The following RTL4 variants were observed in gnomAD, a reference collection of about 807,000 sequenced individuals.
RTL4 encodes the protein retrotransposon Gag-like protein 4.
RTL4 carries 4 observed loss-of-function variants against 5.3 expected under a neutral mutation model. The ratio of observed to expected loss-of-function variants is 0.75; its 90% CI spans 0.37 to 1.72. The LOEUF (loss-of-function observed/expected upper bound fraction) is 1.72, where lower values mean the gene tolerates loss of function less well. RTL4 is among the 40% of genes most tolerant of loss of function. The pLI, the probability that RTL4 is intolerant of heterozygous loss-of-function variation, is 0.04. For synonymous variants in RTL4, 98 were observed against 87.3 expected, an observed-to-expected ratio of 1.12 and a Z score of -0.68; for missense variants, 260 against 227.1, an observed-to-expected ratio of 1.14 and a Z score of -0.93.
chrX:112,086,295 G>C, the RTL4 span, among the ~76,000 whole-genome samples: 14 of 112,503 alleles, frequency 1.2e-4, no homozygotes, highest in Non-Finnish European at 1.7e-4. Flanking sequence ...CATCACAAAG[G>C]CTGTAACAAA....
the RTL4 span, among the ~76,000 whole-genome samples, chrX:112,175,993 C>G: frequency 3.6e-5 from 4 of 110,068 alleles, no homozygotes; most frequent in South Asian, 1.5e-3. Flanking sequence ...TTGTCTCAGC[C>G]CAAAATCTCC....
the RTL4 span, among the ~76,000 whole-genome samples, chrX:112,343,211 G>A: frequency 3.6e-5 from 4 of 112,206 alleles, no homozygotes; most frequent in Non-Finnish European, 7.5e-5. Flanking sequence ...TGTAACCACC[G>A]CTAAAAAGAT....
the RTL4 span, among the ~76,000 whole-genome samples, chrX:112,337,040 C>G: frequency 8.4e-3 from 934 of 111,841 alleles, 10 homozygotes; most frequent in Middle Eastern, 0.037. Flanking sequence ...TCCTCACTCA[C>G]AGCCCACACA....
chrX:112,225,463 G>A, the RTL4 span, among the ~76,000 whole-genome samples: 1 of 111,467 alleles, frequency 9.0e-6, no homozygotes, highest in Middle Eastern at 4.7e-3. Context: ...ATTTTCTGAT[G>A]GTTAAAAAAA....
At chrX:112,132,414 T>C in the RTL4 span, among the ~76,000 whole-genome samples, 1 of 111,421 alleles carries the variant, frequency 9.0e-6, no homozygotes, top group Admixed American at 9.6e-5. Flanking sequence ...TAAAGCCCAT[T>C]CCACTCATAA....
At chrX:112,401,130 C>A in the RTL4 span, among the ~76,000 whole-genome samples, 3 of 111,786 alleles carry the variant, frequency 2.7e-5, no homozygotes, top group African/African-American at 9.8e-5. Context: ...TTGTTTCAGT[C>A]CAGAGGGCAA....
chrX:112,318,534 A>G, the RTL4 span, among the ~76,000 whole-genome samples: 2 of 112,225 alleles, frequency 1.8e-5, no homozygotes, highest in African/African-American at 3.2e-5. Flanking sequence ...TCATTTTGAT[A>G]AGTAAAACAA....
chrX:112,381,611 G>C, the RTL4 span: 1 of 1,192,985 alleles, frequency 8.4e-7, no homozygotes, highest in East Asian at 3.0e-5. Flanking sequence ...AAGAAGACAA[G>C]AATCAGCCTT....
At chrX:112,349,472 A>T in the RTL4 span, among the ~76,000 whole-genome samples, 2 of 109,308 alleles carry the variant, frequency 1.8e-5, no homozygotes, top group African/African-American at 3.3e-5. Flanking sequence ...CATTTTCACG[A>T]TATTGATTCT....
chrX:112,302,293 A>C, the RTL4 span, among the ~76,000 whole-genome samples: 1 of 109,259 alleles, frequency 9.2e-6, no homozygotes, highest in Non-Finnish European at 1.9e-5. Context: ...CTTTGGACTT[A>C]AGACTTAAGA....
At chrX:112,258,682 T>A in the RTL4 span, among the ~76,000 whole-genome samples, 1 of 111,224 alleles carries the variant, frequency 9.0e-6, no homozygotes, top group African/African-American at 3.3e-5. Context: ...ATGTTTAGGA[T>A]AGCTTTTGTG....
chrX:112,245,776 A>G, the RTL4 span, among the ~76,000 whole-genome samples: 1 of 111,899 alleles, frequency 8.9e-6, no homozygotes, highest in African/African-American at 3.2e-5. Flanking sequence ...GAGAAGAGGC[A>G]CTCTGATTTT....
At chrX:112,215,884 C>T in the RTL4 span, among the ~76,000 whole-genome samples, 1 of 111,407 alleles carries the variant, frequency 9.0e-6, no homozygotes, top group Admixed American at 9.6e-5. Context: ...TACTGTTTTC[C>T]ATGGTGGCTG....
chrX:112,100,358 A>G, the RTL4 span, among the ~76,000 whole-genome samples: 1 of 111,538 alleles, frequency 9.0e-6, no homozygotes, highest in Non-Finnish European at 1.9e-5. Context: ...GAATTAAATG[A>G]AAAAGCAAGA....
At chrX:112,360,789 CT>C in the RTL4 span, among the ~76,000 whole-genome samples, 5 of 109,892 alleles carry the variant, frequency 4.5e-5, no homozygotes, top group African/African-American at 1.7e-4. Flanking sequence ...CTGTATACTT[CT>C]GAAAAAAAAT....
chrX:112,131,021 G>T, the RTL4 span, among the ~76,000 whole-genome samples: 1 of 105,014 alleles, frequency 9.5e-6, no homozygotes, highest in Non-Finnish European at 1.9e-5. Flanking sequence ...GGATGGTCTC[G>T]ATCTCCTGAC....
chrX:112,163,100 A>G, the RTL4 span, among the ~76,000 whole-genome samples: 1 of 111,729 alleles, frequency 9.0e-6, no homozygotes, highest in African/African-American at 3.3e-5. Flanking sequence ...GGAGCCAGGC[A>G]GTAGATGTCA....
At chrX:112,454,463 A>T (rs192878717), upstream of RTL4, 43 of 288,383 alleles carry the variant, frequency 1.5e-4, no homozygotes, top group Admixed American at 1.9e-3. Flanking sequence ...CAAGTCCTTT[A>T]TGTGTTCTAA....
At chrX:112,285,215 C>T in the RTL4 span, among the ~76,000 whole-genome samples, 1 of 111,534 alleles carries the variant, frequency 9.0e-6, no homozygotes, top group Non-Finnish European at 1.9e-5. Context: ...CAAATGTGCT[C>T]TAGTTAAAAA....
Sources: gnomAD v4.1 joint callset for allele counts (sites outside exome capture counted in the v4.1 genomes callset) on GRCh38, gnomAD v4.1.1 for gene constraint, MANE v1.5 for transcripts, NCBI Gene and HGNC (gene_info 2026-07-23, HGNC 2026-07-21) for gene names.